NKAIN3: variants seen among roughly 807,000 people sequenced by gnomAD.
NKAIN3 encodes the protein sodium/potassium-transporting ATPase subunit beta-1-interacting protein 3.
In NKAIN3, 25 loss-of-function variants were observed where a neutral mutation model predicts 30.2. That is an observed-to-expected ratio of 0.83 (90% confidence interval 0.60 to 1.16). The LOEUF (loss-of-function observed/expected upper bound fraction) is 1.16. Ranked by LOEUF, NKAIN3 falls within the 50% of genes most tolerant of loss-of-function variation. The pLI is 0.00. For synonymous variants in NKAIN3, 91 were observed against 89.6 expected, an observed-to-expected ratio of 1.02 and a Z score of -0.09; for missense variants, 225 against 254.1, an observed-to-expected ratio of 0.89 and a Z score of 0.78.
chr8:62,545,977 T>C (rs1808997447), intron 1 of NKAIN3, among the ~76,000 whole-genome samples: 1 of 152,178 alleles, frequency 6.6e-6, no homozygotes, highest in Non-Finnish European at 1.5e-5. Flanking sequence ...CTTTAAACAT[T>C]TACCAATCTG....
intron 1 of NKAIN3, among the ~76,000 whole-genome samples, chr8:62,497,877 T>A (rs1451847): frequency 0.031 from 4,732 of 152,160 alleles, 282 homozygotes; most frequent in African/African-American, 0.11. Context: ...GCTACAAAAA[T>A]CTTAGGATTA....
Position 62,923,189 on chromosome 8 carries a change from T to A in NKAIN3, c.532+4676T>A, listed in dbSNP as rs187064334. The stretch of plus-strand genomic sequence containing the variant: ...GGTGTGTGCCTGTGGTCCCAGCTAC[T>A]CGGGAGGCTCAGGTGGGAGTATCAC... On this transcript the variant is annotated intron_variant, in intron 5 of 6. Coordinates refer to ENST00000623646, the MANE Select transcript of NKAIN3 (RefSeq NM_001304533.3). 8.9e-4 allele frequency among the ~76,000 whole-genome samples: 135 copies of A among 152,064 alleles called. 1 individual carries two copies. In the Middle Eastern group the frequency reaches 0.02, roughly 23 times the overall value.
At chr8:62,349,321 G>T (rs1816110707) in intron 1 of NKAIN3, among the ~76,000 whole-genome samples, 1 of 152,136 alleles carries the variant, frequency 6.6e-6, no homozygotes, top group Non-Finnish European at 1.5e-5. Flanking sequence ...GGGACTGGGA[G>T]TCTGGCATGC....
chr8:62,877,173 G>T (rs1820824980), intron 4 of NKAIN3, among the ~76,000 whole-genome samples: 1 of 152,078 alleles, frequency 6.6e-6, no homozygotes, highest in African/African-American at 2.4e-5. Flanking sequence ...GGCCAAAGGA[G>T]CTCTGAACCA....
chr8:62,547,455 C>T (rs1289831435), intron 1 of NKAIN3, among the ~76,000 whole-genome samples: 1 of 152,160 alleles, frequency 6.6e-6, no homozygotes, highest in African/African-American at 2.4e-5. Flanking sequence ...TTTAAGTTGA[C>T]TGTCAGGGGC....
At chr8:62,863,026 C>T (rs754983492) in intron 4 of NKAIN3, 31 of 676,966 alleles carry the variant, frequency 4.6e-5, no homozygotes, top group Middle Eastern at 4.5e-4. Flanking sequence ...CGTGTACATG[C>T]AAGGATGTGA....
chr8:62,720,706 A>G (rs1036641252), intron 3 of NKAIN3, among the ~76,000 whole-genome samples: 4 of 152,204 alleles, frequency 2.6e-5, no homozygotes, highest in African/African-American at 9.7e-5. Flanking sequence ...ATCAAGTTAT[A>G]TGGCCTCTTA....
chr8:62,314,238 A>G (rs958571862), intron 1 of NKAIN3, among the ~76,000 whole-genome samples: 3 of 152,128 alleles, frequency 2.0e-5, no homozygotes, highest in African/African-American at 7.2e-5. Context: ...TGCTAGGCAA[A>G]TTTTAGCTCT....
Position 62,528,286 on chromosome 8 carries a change from GAT to G in NKAIN3, c.55-51240_55-51239del, listed in dbSNP as rs1175948640. Among the ~76,000 whole-genome samples the G allele has an allele frequency of 4.1e-3, 424 of 104,074 alleles. 1 individual carries two copies. The highest frequency in any genetic ancestry group is 0.014 in the African/African-American group (358 of 26,134). The allele number at this position is 104,074 out of a possible 152,430, so 68.3% of individuals were successfully genotyped here. On this transcript the variant is annotated intron_variant, in intron 1 of 6. Transcript: ENST00000623646. The stretch of plus-strand genomic sequence containing the variant: ...TGAAAGCCTACCTATTTGGTATTGT[GAT>G]ATATATATATATTATATTATATATA...
intron 4 of NKAIN3, among the ~76,000 whole-genome samples, chr8:62,917,468 C>T (rs1402254618): frequency 3.3e-5 from 5 of 152,166 alleles, no homozygotes; most frequent in African/African-American, 1.2e-4. Flanking sequence ...GGCTTCTTGG[C>T]CTTTGTCCAG....
At chr8:62,694,836 A>G (rs1814100989) in intron 3 of NKAIN3, among the ~76,000 whole-genome samples, 1 of 152,188 alleles carries the variant, frequency 6.6e-6, no homozygotes. Context: ...AGCTTTCCCC[A>G]GAAAAAAACC....
chr8:62,429,046 A>G (rs1033009199), intron 1 of NKAIN3, among the ~76,000 whole-genome samples: 1 of 151,902 alleles, frequency 6.6e-6, no homozygotes, highest in Non-Finnish European at 1.5e-5. Flanking sequence ...TCTTCTGCAT[A>G]TGGATATCCA....
chr8:62,626,226 G>A (rs556703039), intron 3 of NKAIN3, among the ~76,000 whole-genome samples: 42 of 152,166 alleles, frequency 2.8e-4, no homozygotes, highest in African/African-American at 1.0e-3. Flanking sequence ...AGGCCCTTCA[G>A]AACGATTCAA....
intron 3 of NKAIN3, among the ~76,000 whole-genome samples, chr8:62,669,697 G>T (rs184810094): frequency 6.6e-6 from 1 of 152,028 alleles, no homozygotes; most frequent in Non-Finnish European, 1.5e-5. Context: ...TTGAATGACC[G>T]TGCTTTTGTA....
At chr8:62,634,800 G>A (rs1812074509) in intron 3 of NKAIN3, among the ~76,000 whole-genome samples, 1 of 152,098 alleles carries the variant, frequency 6.6e-6, no homozygotes, top group Admixed American at 6.6e-5. Flanking sequence ...ACTTGTATGG[G>A]ATAAACCAAA....
chr8:62,978,872 T>C lies in NKAIN3; in HGVS notation c.*13465T>C, dbSNP rs1428666156. 6.5e-6 allele frequency: 1 copy of C among 154,314 alleles called. No individual in the cohort carries two copies. The highest frequency in any genetic ancestry group is 1.5e-5 in the Non-Finnish European group (1 of 68,266). The allele number at this position is 154,314 out of a possible 1,614,324, so 9.6% of individuals were successfully genotyped here. ...GGCACCCAAGGGATCTCCTTGTCTG[T>C]GGATTGCGAAGACCATGGGAAAAGC... On this transcript the variant is annotated 3_prime_UTR_variant, in exon 7 of 7. Coordinates refer to ENST00000623646, the MANE Select transcript of NKAIN3 (RefSeq NM_001304533.3).
At chr8:62,451,666 C>G (rs1240725386) in intron 1 of NKAIN3, among the ~76,000 whole-genome samples, 1 of 152,098 alleles carries the variant, frequency 6.6e-6, no homozygotes, top group Non-Finnish European at 1.5e-5. Flanking sequence ...CATTCACAGT[C>G]AAGTATCTTG....
chr8:62,875,291 G>A (rs912392951), intron 4 of NKAIN3, among the ~76,000 whole-genome samples: 5 of 152,018 alleles, frequency 3.3e-5, no homozygotes, highest in Non-Finnish European at 7.4e-5. Context: ...CCTCTTCAAG[G>A]AGAACTACAA....
intron 1 of NKAIN3, among the ~76,000 whole-genome samples, chr8:62,455,510 C>A (rs1805786605): frequency 6.6e-6 from 1 of 152,090 alleles, no homozygotes; most frequent in African/African-American, 2.4e-5. Flanking sequence ...ATACTGGGGA[C>A]TACAAGAGGT....
Sources: gnomAD v4.1 joint callset for allele counts (sites outside exome capture counted in the v4.1 genomes callset) on GRCh38, gnomAD v4.1.1 for gene constraint, MANE v1.5 for transcripts, NCBI Gene and HGNC (gene_info 2026-07-23, HGNC 2026-07-21) for gene names.